The following UTS2B variants were observed in gnomAD, a reference collection of about 807,000 sequenced individuals.
UTS2B encodes urotensin 2B.
Under a neutral mutation model 19.2 loss-of-function variants are expected in UTS2B, and 21 were observed. The ratio of observed to expected loss-of-function variants is 1.09; its 90% CI spans 0.78 to 1.58. UTS2B has a LOEUF of 1.58. Ranked by LOEUF, UTS2B falls within the 40% of genes most tolerant of loss-of-function variation. The pLI is 0.00. For missense variants in UTS2B, 138 were observed against 130.3 expected, an observed-to-expected ratio of 1.06 and a Z score of -0.29; for synonymous variants, 57 against 50.2, an observed-to-expected ratio of 1.14 and a Z score of -0.58.
chr3:191,344,794 G>C, the UTS2B span, among the ~76,000 whole-genome samples: 1 of 152,192 alleles, frequency 6.6e-6, no homozygotes, highest in East Asian at 1.9e-4. Flanking sequence ...GCCCAGGCTG[G>C]TCTCGAACTC....
upstream of UTS2B, among the ~76,000 whole-genome samples, chr3:191,331,353 TCG>T (rs1280510663): frequency 6.6e-6 from 1 of 152,218 alleles, no homozygotes; most frequent in African/African-American, 2.4e-5. Flanking sequence ...TCTTCTGATT[TCG>T]TACCAAGACA....
At chr3:191,290,340 A>G (rs949085448) in intron 4 of UTS2B, among the ~76,000 whole-genome samples, 3 of 152,230 alleles carry the variant, frequency 2.0e-5, no homozygotes, top group Admixed American at 1.3e-4. Flanking sequence ...TTTATAGTAT[A>G]TAGCAATATT....
chr3:191,326,520 C>T (rs1717749859), intron 2 of UTS2B, among the ~76,000 whole-genome samples: 1 of 152,120 alleles, frequency 6.6e-6, no homozygotes. Flanking sequence ...TCAATTGATG[C>T]CTCCATATTG....
intron 4 of UTS2B, among the ~76,000 whole-genome samples, chr3:191,289,442 A>G (rs546408087): frequency 6.9e-6 from 1 of 145,362 alleles, no homozygotes; most frequent in African/African-American, 2.5e-5. Flanking sequence ...AAATAAATAA[A>G]TAAATAAAAA....
At chr3:191,300,781 CCT>C (rs1006748514) in intron 4 of UTS2B, among the ~76,000 whole-genome samples, 3 of 152,072 alleles carry the variant, frequency 2.0e-5, no homozygotes, top group African/African-American at 7.2e-5. Flanking sequence ...GCAACTGCCC[CCT>C]CTCTCTCTTG....
intron 2 of UTS2B, among the ~76,000 whole-genome samples, chr3:191,320,446 T>C (rs549005968): frequency 6.6e-5 from 10 of 152,232 alleles, no homozygotes; most frequent in Admixed American, 2.0e-4. Flanking sequence ...CTAAGCACTT[T>C]AGACTGAATT....
rs139484195 is a variant in UTS2B, at chr3:191,317,824, C to T, written c.-585-1385G>A. Among the ~76,000 whole-genome samples the T allele has an allele frequency of 2.5e-3, 374 of 152,308 alleles. 1 individual carries two copies. The highest frequency in any genetic ancestry group is 8.8e-3 in the African/African-American group (365 of 41,572). ...CGAACTCCTGACCTCAGGCAATCTG[C>T]TCAGCTCACCTTCCCAAAGTACTGG... is the stretch of plus-strand genomic sequence containing the variant. On this transcript the variant is annotated intron_variant, in intron 2 of 8. Transcript: ENST00000340524.
chr3:191,298,986 G>A (rs964792976), intron 4 of UTS2B, among the ~76,000 whole-genome samples: 4 of 152,170 alleles, frequency 2.6e-5, no homozygotes, highest in African/African-American at 9.7e-5. Flanking sequence ...AATTGATAGT[G>A]ATGATTTAGG....
rs1218863472 is a variant in UTS2B, at chr3:191,301,653, A to AT, written c.-125+2838dup. On this transcript the variant is annotated intron_variant, in intron 4 of 8. Coordinates refer to ENST00000340524, the MANE Select transcript of UTS2B (RefSeq NM_198152.5). The stretch of plus-strand genomic sequence containing the variant: ...AGGCGCCCGCCACCATGCCCGGCTA[A>AT]TTTTTTTTTGTATTTTTAGTAGAGA... 6.9e-4 allele frequency among the ~76,000 whole-genome samples: 103 copies of AT among 150,290 alleles called. 1 individual carries two copies. The highest frequency in any genetic ancestry group is 9.3e-4 in the Non-Finnish European group (63 of 67,406).
At position 191,267,472 on chromosome 3, in the gene UTS2B, G is replaced by A. The variant is rs377319185; in HGVS notation, c.*944C>T. On this transcript the variant is annotated 3_prime_UTR_variant, in exon 9 of 9. Coordinates refer to ENST00000340524, the MANE Select transcript of UTS2B (RefSeq NM_198152.5). ...ACAATTTTAAATAGCAGAGTATTGC[G>A]GGATCTGGCCAGTAGCCCGCAATGC... is the stretch of plus-strand genomic sequence containing the variant. The A allele has an allele frequency of 1.4e-4, 22 of 152,132 alleles. No individual in the cohort carries two copies. The highest frequency in any genetic ancestry group is 3.1e-4 in the African/African-American group (13 of 41,426). The allele number at this position is 152,132 out of a possible 1,614,324, so 9.4% of individuals were successfully genotyped here. A position where few individuals can be genotyped will look rare whatever the true frequency, so the allele number is the denominator to read the frequency against.
intron 4 of UTS2B, among the ~76,000 whole-genome samples, chr3:191,296,518 A>T (rs1049716001): frequency 5.9e-5 from 9 of 152,188 alleles, no homozygotes; most frequent in African/African-American, 2.2e-4. Context: ...TACCTTGTTC[A>T]TGACTGTGAA....
At chr3:191,301,526 G>A (rs6769107) in intron 4 of UTS2B, among the ~76,000 whole-genome samples, 2,326 of 125,428 alleles carry the variant, frequency 0.019, 69 homozygotes, top group African/African-American at 0.067. Context: ...TCGCTCTGTC[G>A]CCCAGGCTGG....
intron 3 of UTS2B, among the ~76,000 whole-genome samples, chr3:191,314,108 G>A (rs192816524): frequency 1.3e-5 from 2 of 152,182 alleles, no homozygotes; most frequent in South Asian, 2.1e-4. Flanking sequence ...ACTGCACTTC[G>A]TGACTCATCT....
At position 191,267,432 on chromosome 3, in the gene UTS2B, A is replaced by G. The variant is rs1167220425; in HGVS notation, c.*984T>C. The G allele has an allele frequency of 1.3e-5, 2 of 152,258 alleles. No homozygotes were observed. Among genetic ancestry groups the G allele is most frequent in the African/African-American group, 2.4e-5 (1 of 41,480 alleles). 9.4% of individuals were successfully genotyped at this position (152,258 alleles called of 1,614,324 possible). A position where few individuals can be genotyped will look rare whatever the true frequency, so the allele number is the denominator to read the frequency against. ...ATGCATAATAAATGCCAGTTTCTTT[A>G]TGATTGAAACAGCTACAATTTTAAA... On this transcript the variant is annotated 3_prime_UTR_variant, in exon 9 of 9. Transcript: ENST00000340524.
chr3:191,314,893 C>A (rs1218709206), intron 3 of UTS2B, among the ~76,000 whole-genome samples: 1 of 152,120 alleles, frequency 6.6e-6, no homozygotes, highest in Non-Finnish European at 1.5e-5. Context: ...ATTTTGTTCC[C>A]CTTCTCACTT....
intron 3 of UTS2B, among the ~76,000 whole-genome samples, chr3:191,307,362 C>T (rs1206629336): frequency 6.6e-6 from 1 of 151,770 alleles, no homozygotes; most frequent in Non-Finnish European, 1.5e-5. Context: ...TAGCTTGAGA[C>T]CTTTAGAAAA....
At chr3:191,293,754 T>C (rs9290984) in intron 4 of UTS2B, among the ~76,000 whole-genome samples, 40,326 of 151,804 alleles carry the variant, frequency 0.27, 6,266 homozygotes, top group African/African-American at 0.39. Flanking sequence ...AAGTTTAGTC[T>C]ATTTTCAAGC....
intron 8 of UTS2B, among the ~76,000 whole-genome samples, chr3:191,269,949 C>A (rs1435537102): frequency 6.6e-6 from 1 of 152,240 alleles, no homozygotes; most frequent in African/African-American, 2.4e-5. Context: ...AAAACCCCAA[C>A]CAGCTTTCTG....
chr3:191,336,012 A>G, the UTS2B span, among the ~76,000 whole-genome samples: 97 of 152,098 alleles, frequency 6.4e-4, no homozygotes, highest in Admixed American at 1.2e-3. Flanking sequence ...AAGATCATAT[A>G]GTAAGTAGTT....
Sources: allele counts gnomAD v4.1 joint callset (sites outside exome capture counted in the v4.1 genomes callset), GRCh38; gene constraint gnomAD v4.1.1; transcripts MANE v1.5; gene names NCBI Gene and HGNC (gene_info 2026-07-23, HGNC 2026-07-21).